Variants in DNM2 observed in about 807,000 individuals in gnomAD.
DNM2 encodes the protein dynamin 2.
DNM2 carries 15 observed loss-of-function variants against 99.0 expected under a neutral mutation model. The observed-to-expected ratio is 0.15, with a 90% CI of 0.10 to 0.23. DNM2 has a LOEUF of 0.23. DNM2 is among the 10% of genes least tolerant of loss of function. The probability of loss-of-function intolerance (pLI) is 1.00; values close to 1 mark genes in which losing one functional copy is unlikely to be tolerated. For missense variants in DNM2, 742 were observed against 1,189.4 expected, an observed-to-expected ratio of 0.62 and a Z score of 5.53; for synonymous variants, 525 against 481.2, an observed-to-expected ratio of 1.09 and a Z score of -1.19.
At position 10,817,411 on chromosome 19, in the gene DNM2, G is replaced by C. The variant is rs369090848; in HGVS notation, c.1672-2569G>C. 5.9e-6 allele frequency: 3 copies of C among 506,588 alleles called. No individual in the cohort carries two copies. Among genetic ancestry groups the C allele is most frequent in the Non-Finnish European group, 1.2e-5 (3 of 246,566 alleles). The allele number at this position is 506,588 out of a possible 1,614,324, so 31.4% of individuals were successfully genotyped here. On this transcript the variant is annotated intron_variant, in intron 15 of 20. Transcript: ENST00000389253. The surrounding 1 kb of genome is among the most constrained non-coding windows in gnomAD (Gnocchi z 4.6). ...TTTGGGGGGCCTGTCTCGACGAGCCGCTCACCCAAGCCCAGCCTAACCAAT... is the reference window on the plus strand; with the variant it reads ...TTTGGGGGGCCTGTCTCGACGAGCCCCTCACCCAAGCCCAGCCTAACCAAT...
Position 10,725,170 on chromosome 19 carries a change from G to A in DNM2, c.161+6767G>A, listed in dbSNP as rs550355069. On this transcript the variant is annotated intron_variant, in intron 1 of 20. Transcript: ENST00000389253. ...CATCTTGAAAAGGCCATACATGGCC[G>A]GGCATGGTGACTCACACCTGTAATC... Among the ~76,000 whole-genome samples, 8 of 152,324 alleles carry A rather than the reference G, an allele frequency of 5.3e-5. No homozygotes were observed. The East Asian group carries it at 5.8e-4, about 11-fold the overall frequency.
In DNM2 at chr19:10,830,593, C is replaced by T; in HGVS notation, c.2543+215C>T. 1 of 642,516 alleles carries T rather than the reference C, an allele frequency of 1.6e-6. No homozygotes were observed. The highest frequency in any genetic ancestry group is 2.6e-6 in the Non-Finnish European group (1 of 377,916). The allele number at this position is 642,516 out of a possible 1,614,324, so 39.8% of individuals were successfully genotyped here. On this transcript the variant is annotated intron_variant, in intron 20 of 20. Transcript: ENST00000389253. This position sits in a 1 kb window ranked among gnomAD's most constrained non-coding sequence, Gnocchi z 4.8. Reference sequence around the variant, plus strand: ...GCGGAGCCCTGGTGACTCCGGGGCTCCCAGCTTGCCCTCTGCCTACTGGGG... The same window carrying T: ...GCGGAGCCCTGGTGACTCCGGGGCTTCCAGCTTGCCCTCTGCCTACTGGGG...
intron 1 of DNM2, among the ~76,000 whole-genome samples, chr19:10,745,021 A>G (rs1234779288): frequency 6.6e-6 from 1 of 152,164 alleles, no homozygotes; most frequent in East Asian, 1.9e-4. Context: ...CACAGTTATA[A>G]AAAAGTTATA....
chr19:10,823,578 C>T lies in DNM2; in HGVS notation c.1782-210C>T. On this transcript the variant is annotated intron_variant, in intron 16 of 20. Coordinates refer to ENST00000389253, the MANE Select transcript of DNM2 (RefSeq NM_001005361.3). ...GAAGAGTCAGCTGATCCAACAGAAA[C>T]AAAGAAACTCAGACACTTGCCGAGC... 5.2e-6 allele frequency: 3 copies of T among 575,000 alleles called. No individual in the cohort carries two copies. The South Asian group carries it at 6.1e-5, about 12-fold the overall frequency. 35.6% of individuals were successfully genotyped at this position (575,000 alleles called of 1,614,324 possible).
chr19:10,819,889 C>T, intron 15 of DNM2, 91 bp from the exon 16 acceptor site: 1 of 1,177,172 alleles, frequency 8.5e-7, no homozygotes, highest in Non-Finnish European at 1.3e-6. Context: ...GCCCCCGGGG[C>T]TGGTGGTGGC....
chr19:10,830,352 C>G lies in DNM2; in HGVS notation c.2517C>G (p.Pro839=), dbSNP rs760267762. The G allele has an allele frequency of 3.1e-6, 5 of 1,612,030 alleles. No individual in the cohort carries two copies. Among genetic ancestry groups the G allele is most frequent in the Non-Finnish European group, 2.5e-6 (3 of 1,179,660 alleles). ...TCCCATCTCGGCCAGTTCGGATCCC[C>G]CCAGGGATTCCCCCAGGAGTGCCCA... The part of the protein sequence containing the change: ...PQIPSRPVRI[P]PGIPPGVPSR... The change falls in exon 20 of 21, where the codon CCC becomes CCG. Residue 839 remains proline, a synonymous_variant. Transcript: ENST00000389253. This position sits in a 1 kb window ranked among gnomAD's most constrained non-coding sequence, Gnocchi z 4.8.
At chr19:10,730,478 CA>C (rs560450347) in intron 1 of DNM2, among the ~76,000 whole-genome samples, 127 of 142,308 alleles carry the variant, frequency 8.9e-4, no homozygotes, top group Non-Finnish European at 7.1e-4. Context: ...GACCCTGTCT[CA>C]AAAAAAAAAA....
chr19:10,795,697 G>A lies in DNM2; in HGVS notation c.1196+258G>A, dbSNP rs1599569211. On this transcript the variant is annotated intron_variant, in intron 9 of 20. Transcript: ENST00000389253. This position sits in a 1 kb window ranked among gnomAD's most constrained non-coding sequence, Gnocchi z 4.2. ...AATAGGGCTTAGTTCCTGCCCAGTC[G>A]GTTGGTGTGAACCTCATGCTAAACT... The A allele has an allele frequency of 2.2e-5, 13 of 587,034 alleles. No homozygotes were observed. Among genetic ancestry groups the A allele is most frequent in the East Asian group, 2.0e-4 (7 of 34,370 alleles). The allele number at this position is 587,034 out of a possible 1,614,324, so 36.4% of individuals were successfully genotyped here.
Position 10,817,822 on chromosome 19 carries a change from C to T in DNM2, c.1672-2158C>T, listed in dbSNP as rs555103166. 2.7e-5 allele frequency among the ~76,000 whole-genome samples: 4 copies of T among 148,578 alleles called. No homozygotes were observed. The highest frequency in any genetic ancestry group is 4.3e-4 in the South Asian group (2 of 4,662). On this transcript the variant is annotated intron_variant, in intron 15 of 20. Transcript: ENST00000389253. This position sits in a 1 kb window ranked among gnomAD's most constrained non-coding sequence, Gnocchi z 4.6. ...ACACGTGTGTGTGTGTGTGTGCGCG[C>T]GCGCGCACGCGTGCGTGCCGGCAGC...
At position 10,825,300 on chromosome 19, in the gene DNM2, C is replaced by CA; in HGVS notation, c.2058+81dup. On this transcript the variant is annotated intron_variant, in intron 18 of 20. Transcript: ENST00000389253. ...CTGTAATCCCAGCACTTTGGGAGGC[C>CA]AAGGCGGGCGGATCACTTGAGGTCA... The CA allele has an allele frequency of 2.5e-6, 4 of 1,584,194 alleles. No individual in the cohort carries two copies. In the South Asian group the frequency reaches 3.3e-5, roughly 13 times the overall value.
At chr19:10,748,501 G>A (rs1049133994) in intron 1 of DNM2, among the ~76,000 whole-genome samples, 29 of 152,164 alleles carry the variant, frequency 1.9e-4, no homozygotes, top group Non-Finnish European at 4.0e-4. Flanking sequence ...GTAAGGCTTG[G>A]GCGTCCTTGC....
chr19:10,760,914 G>A (rs2070608060), intron 2 of DNM2, among the ~76,000 whole-genome samples: 1 of 145,788 alleles, frequency 6.9e-6, no homozygotes, highest in Non-Finnish European at 1.5e-5. Flanking sequence ...TCCTGCGTCA[G>A]CTTCCCACAG....
In DNM2 at chr19:10,777,125, G is replaced by T; in HGVS notation, c.597G>T (p.Arg199=). 6.2e-7 allele frequency: 1 copy of T among 1,614,202 alleles called. No individual in the cohort carries two copies. The highest frequency in any genetic ancestry group is 1.1e-5 in the South Asian group (1 of 91,084). The stretch of plus-strand genomic sequence containing the variant: ...ACCTCTGGGCTCTTTCAGGCCTACG[G>T]ACCATCGGTGTCATCACCAAGCTTG... ...LAKEVDPQGL[R]TIGVITKLDL... The change falls in exon 5 of 21, where the codon CGG becomes CGT. Residue 199 remains arginine, a synonymous_variant. Coordinates refer to ENST00000389253, the MANE Select transcript of DNM2 (RefSeq NM_001005361.3).
intron 1 of DNM2, among the ~76,000 whole-genome samples, chr19:10,735,421 G>A (rs1337056350): frequency 6.6e-6 from 1 of 152,186 alleles, no homozygotes; most frequent in African/African-American, 2.4e-5. Flanking sequence ...TGCTGACCTT[G>A]ATCTCTTGGC....
intron 6 of DNM2, chr19:10,786,292 G>A (rs1215882182): frequency 5.7e-6 from 3 of 525,528 alleles, no homozygotes; most frequent in Admixed American, 6.0e-5. Context: ...GCTGTTGCTT[G>A]TCCTCCAAGG....
intron 7 of DNM2, among the ~76,000 whole-genome samples, chr19:10,788,004 G>A (rs1455263401): frequency 1.3e-5 from 2 of 151,898 alleles, no homozygotes. Flanking sequence ...GGCCGAGGCG[G>A]GAGGATCACT....
At chr19:10,799,582 G>A (rs1258666388) in intron 11 of DNM2, among the ~76,000 whole-genome samples, 1 of 148,056 alleles carries the variant, frequency 6.8e-6, no homozygotes, top group Non-Finnish European at 1.5e-5. Flanking sequence ...CGCCCAGGCT[G>A]GGGTGCAGTG....
At chr19:10,755,110 G>A (rs2070336479) in intron 1 of DNM2, 1 of 152,202 alleles carries the variant, frequency 6.6e-6, no homozygotes, top group South Asian at 2.1e-4. Flanking sequence ...TCTACAAAAA[G>A]CGCATATGAG....
chr19:10,758,844 G>T (rs1294484404), intron 1 of DNM2, among the ~76,000 whole-genome samples: 1 of 152,118 alleles, frequency 6.6e-6, no homozygotes, highest in African/African-American at 2.4e-5. Flanking sequence ...CACTGCACCC[G>T]GCCAGGATAT....
Sources: gnomAD v4.1 joint callset for allele counts (sites outside exome capture counted in the v4.1 genomes callset) on GRCh38, gnomAD v4.1.1 for gene constraint, Gnocchi (gnomAD v3.1) non-coding constraint, MANE v1.5 for transcripts, NCBI Gene and HGNC (gene_info 2026-07-23, HGNC 2026-07-21) for gene names.